The following PTPRS variants were observed in gnomAD, a reference collection of about 807,000 sequenced individuals.
The protein encoded by PTPRS is protein tyrosine phosphatase receptor type S.
In PTPRS, 63 loss-of-function variants were observed where a neutral mutation model predicts 215.3. The observed-to-expected ratio is 0.29, with a 90% CI of 0.24 to 0.36. PTPRS has a LOEUF of 0.36. PTPRS is among the 10% of genes least tolerant of loss of function. The pLI is 1.00. For synonymous variants in PTPRS, 1,404 were observed against 1,191.4 expected (o/e 1.18, Z -3.68); for missense variants, 2,258 against 2,825.8 (o/e 0.80, Z 4.56).
chr19:5,229,231 T>C, intron 16 of PTPRS, 85 bp downstream of exon 16: 2 of 1,284,954 alleles, frequency 1.6e-6, no homozygotes. Flanking sequence ...TTACTACTGA[T>C]GATAAGGGGC....
rs746980740 is a variant in PTPRS at position 5,222,716 on chromosome 19, G to A, written c.3076C>T (p.Arg1026Cys). 44 of 1,594,478 alleles carry A rather than the reference G, an allele frequency of 2.8e-5. No homozygotes were observed. Among genetic ancestry groups the A allele is most frequent in the East Asian group, 4.5e-5 (2 of 44,600 alleles). ...RGPGPFSPPV[R>C]YRTFLRDQVS... ...TGGTCCCGCAGGAACGTCCGGTAGCGGACGGGGGGGCTGAAGGGGCCAGGG... is the reference window on the plus strand; with the variant it reads ...TGGTCCCGCAGGAACGTCCGGTAGCAGACGGGGGGGCTGAAGGGGCCAGGG... Residue 1026 changes from arginine to cysteine, a missense_variant, in exon 18 of 38, where the codon CGC becomes TGC. By Grantham distance (180) the Arg-to-Cys change is radical. Around this residue, in one of 6 missense-constraint regions of PTPRS, gnomAD observed 361 missense variants for 332.6 expected, o/e 1.09. Transcript: ENST00000262963.
At chr19:5,263,048 C>CGCTGAGGACAT in intron 5 of PTPRS, 76 bp from the exon 6 acceptor site, 2 of 528,452 alleles carry the variant, frequency 3.8e-6, no homozygotes, top group Non-Finnish European at 6.2e-6. Flanking sequence ...CCTATGTCCT[C>CGCTGAGGACAT]AGCGAGGAGG....
intron 1 of PTPRS, among the ~76,000 whole-genome samples, chr19:5,302,901 C>CA (rs61244607): frequency 0.22 from 25,298 of 112,456 alleles, 2,937 homozygotes; most frequent in Non-Finnish European, 0.3. Context: ...ACTAAAAATA[C>CA]AAAAAAAAAA....
chr19:5,241,716 G>A (rs1474503223), intron 11 of PTPRS, among the ~76,000 whole-genome samples: 1 of 152,152 alleles, frequency 6.6e-6, no homozygotes, highest in Non-Finnish European at 1.5e-5. Flanking sequence ...GAAAGCCTGA[G>A]CCCCAAAGGA....
rs1271077519 is a variant in PTPRS, at chr19:5,295,030, C to G, written c.-94-8796G>C. ...GTAGGAGCAACCAGCGTGACCTCCC[C>G]AACTTGGCTGGGCACACAGTGGGCC... is the stretch of plus-strand genomic sequence containing the variant. On this transcript the variant is annotated intron_variant, in intron 1 of 37. Coordinates refer to ENST00000262963, the MANE Select transcript of PTPRS (RefSeq NM_002850.4). The surrounding 1 kb of genome is among the most constrained non-coding windows in gnomAD (Gnocchi z 4.6). Among the ~76,000 whole-genome samples the G allele has an allele frequency of 2.0e-5, 3 of 152,206 alleles. No individual in the cohort carries two copies. The highest frequency in any genetic ancestry group is 7.2e-5 in the African/African-American group (3 of 41,462).
chr19:5,337,769 CCT>C (rs928918788), intron 1 of PTPRS, among the ~76,000 whole-genome samples: 2 of 152,170 alleles, frequency 1.3e-5, no homozygotes, highest in African/African-American at 4.8e-5. Flanking sequence ...GAAGCTTCCC[CCT>C]GTTCCATGGT....
intron 1 of PTPRS, among the ~76,000 whole-genome samples, chr19:5,296,309 C>T (rs2049132246): frequency 6.6e-6 from 1 of 152,026 alleles, no homozygotes; most frequent in Non-Finnish European, 1.5e-5. Context: ...TGAGACCAGC[C>T]TGGGCAATAT....
At chr19:5,266,427 G>A (rs779556833) in intron 4 of PTPRS, among the ~76,000 whole-genome samples, 5 of 151,930 alleles carry the variant, frequency 3.3e-5, no homozygotes, top group Non-Finnish European at 7.4e-5. Flanking sequence ...ACTGTGCCTG[G>A]CCCAGAGGAC....
intron 1 of PTPRS, among the ~76,000 whole-genome samples, chr19:5,314,133 G>A (rs950506795): frequency 7.2e-5 from 11 of 152,102 alleles, no homozygotes; most frequent in African/African-American, 2.4e-4. Flanking sequence ...GCAAGATCCT[G>A]TCTCTATCAA....
At chr19:5,253,374 C>A (rs1297035414) in intron 9 of PTPRS, among the ~76,000 whole-genome samples, 5 of 152,130 alleles carry the variant, frequency 3.3e-5, no homozygotes, top group Non-Finnish European at 7.4e-5. Flanking sequence ...ATTTTTTCCC[C>A]TTTTTGCAAT....
At chr19:5,283,726 G>C (rs1282414362) in intron 2 of PTPRS, among the ~76,000 whole-genome samples, 1 of 152,192 alleles carries the variant, frequency 6.6e-6, no homozygotes, top group Non-Finnish European at 1.5e-5. Context: ...TGGTCCCTGA[G>C]GGAGTGTGGT....
At position 5,222,996 on chromosome 19, in the gene PTPRS, CG is replaced by C; in HGVS notation, c.2795del (p.Pro932ArgfsTer69). 5 of 1,540,418 alleles carry C rather than the reference CG, an allele frequency of 3.2e-6. No homozygotes were observed. The highest frequency in any genetic ancestry group is 3.5e-6 in the Non-Finnish European group (4 of 1,146,228). On this transcript the variant is annotated frameshift_variant, in exon 18 of 38. Transcript: ENST00000262963. LOFTEE classifies it high-confidence loss of function. ...SIPEDTPRGH[P>X]QILEAAGNAS... ...CGTTGCCGGCCGCCTCCAGAATCTG[CG>C]GGTGGCCACGGGGCGTGTCCTCCGG...
At chr19:5,221,301 G>A (rs1174841033) in intron 19 of PTPRS, 48 bp from the exon 20 acceptor site, 5 of 1,569,132 alleles carry the variant, frequency 3.2e-6, no homozygotes, top group African/African-American at 1.4e-5. Context: ...TCATGCCCAT[G>A]GACTGAGCCC....
intron 1 of PTPRS, among the ~76,000 whole-genome samples, chr19:5,314,326 G>C (rs188338586): frequency 6.6e-6 from 1 of 152,292 alleles, no homozygotes; most frequent in Admixed American, 6.5e-5. Flanking sequence ...AAGCAACCCA[G>C]AGTCTGCATC....
intron 9 of PTPRS, among the ~76,000 whole-genome samples, chr19:5,254,579 G>C (rs1354543420): frequency 1.3e-5 from 2 of 152,266 alleles, no homozygotes; most frequent in African/African-American, 2.4e-5. Flanking sequence ...AGCAGAGGGA[G>C]AGTTGGGGAG....
intron 1 of PTPRS, among the ~76,000 whole-genome samples, chr19:5,303,952 A>ATAAAAAAAAAATAAAAT (rs2049385092): frequency 6.8e-6 from 1 of 147,826 alleles, no homozygotes; most frequent in African/African-American, 2.6e-5. Context: ...CTCTGTCTCA[A>ATAAAAAAAAAATAAAAT]AAAATAATAA....
At chr19:5,313,959 AATAAT>A (rs1316659709) in intron 1 of PTPRS, among the ~76,000 whole-genome samples, 2 of 149,116 alleles carry the variant, frequency 1.3e-5, no homozygotes, top group Non-Finnish European at 3.0e-5. Flanking sequence ...TAATAATAAT[AATAAT>A]AATAATAAAT....
intron 2 of PTPRS, among the ~76,000 whole-genome samples, chr19:5,276,186 C>T (rs141109121): frequency 9.2e-5 from 14 of 152,268 alleles, no homozygotes; most frequent in South Asian, 4.1e-4. Flanking sequence ...TGTATTCATT[C>T]AGTCTCTGCA....
chr19:5,317,345 G>A (rs978016461), intron 1 of PTPRS, among the ~76,000 whole-genome samples: 1 of 152,106 alleles, frequency 6.6e-6, no homozygotes, highest in Non-Finnish European at 1.5e-5. Flanking sequence ...GGTGGCACGC[G>A]CCTGTAATCC....
Sources: gnomAD v4.1 joint callset for allele counts (sites outside exome capture counted in the v4.1 genomes callset) on GRCh38, gnomAD v4.1.1 for gene constraint, gnomAD v4.1.1 regional missense constraint, Gnocchi (gnomAD v3.1) non-coding constraint, MANE v1.5 for transcripts, NCBI Gene and HGNC (gene_info 2026-07-23, HGNC 2026-07-21) for gene names.